ARHGEF33: variants seen among roughly 807,000 people sequenced by gnomAD.
ARHGEF33 encodes the protein DH and coiled-coil domain-containing protein ENSP00000381780.
A neutral mutation model predicts 101.9 loss-of-function variants in ARHGEF33; 72 were observed. The observed-to-expected ratio is 0.71, with a 90% CI of 0.58 to 0.86. The LOEUF (loss-of-function observed/expected upper bound fraction) is 0.86. ARHGEF33 is among the 40% of genes least tolerant of loss of function. The probability of loss-of-function intolerance (pLI) is 0.00; values close to 1 mark genes in which losing one functional copy is unlikely to be tolerated. For synonymous variants in ARHGEF33, 499 were observed against 442.5 expected, an observed-to-expected ratio of 1.13 and a Z score of -1.60; for missense variants, 1,169 against 1,111.3, an observed-to-expected ratio of 1.05 and a Z score of -0.74.
At chr2:38,937,272 T>A in intron 8 of ARHGEF33, 63 bp from the exon 9 acceptor site, 1 of 832,994 alleles carries the variant, frequency 1.2e-6, no homozygotes, top group East Asian at 2.7e-5. Context: ...AACAAACATA[T>A]TTTTTAAAAA....
intron 10 of ARHGEF33, among the ~76,000 whole-genome samples, chr2:38,948,437 C>T (rs1667507606): frequency 6.6e-6 from 1 of 152,088 alleles, no homozygotes; most frequent in South Asian, 2.1e-4. Flanking sequence ...TCCCGGTGGG[C>T]AGTCCAGGAG....
chr2:38,922,371 G>A (rs1245814006), intron 4 of ARHGEF33, among the ~76,000 whole-genome samples: 1 of 152,122 alleles, frequency 6.6e-6, no homozygotes, highest in East Asian at 1.9e-4. Context: ...CAGGAGTCCA[G>A]AAGGGTAGAT....
At chr2:38,898,142 A>G (rs1341740515) in intron 2 of ARHGEF33, among the ~76,000 whole-genome samples, 1 of 152,248 alleles carries the variant, frequency 6.6e-6, no homozygotes, top group Non-Finnish European at 1.5e-5. Context: ...GGAATAAGGT[A>G]TAAAAAGTAG....
Position 38,895,779 on chromosome 2 carries a change from C to T in ARHGEF33, c.-156C>T, listed in dbSNP as rs1310311491. On this transcript the variant is annotated splice_region_variant and 5_prime_UTR_variant, in exon 2 of 18. Transcript: ENST00000409978. ...GTTTTTTTTTTTTTTTTTTACAGAA[C>T]TTCTAGAGAAAACAAGAAGAAGACT... is the stretch of plus-strand genomic sequence containing the variant. 1 of 148,208 alleles carries T rather than the reference C, an allele frequency of 6.7e-6. No homozygotes were observed. The highest frequency in any genetic ancestry group is 2.0e-4 in the East Asian group (1 of 5,070). The allele number at this position is 148,208 out of a possible 1,614,324, so 9.2% of individuals were successfully genotyped here.
intron 8 of ARHGEF33, 100 bp downstream of exon 8, chr2:38,935,934 G>C: frequency 1.0e-6 from 1 of 961,758 alleles, no homozygotes; most frequent in Non-Finnish European, 1.6e-6. Flanking sequence ...AACCAGGCAT[G>C]AAAGAACTCA....
chr2:38,936,943 T>G (rs1275474070), intron 8 of ARHGEF33: 1 of 141,278 alleles, frequency 7.1e-6, no homozygotes, highest in Non-Finnish European at 1.5e-5. Flanking sequence ...CCCATTGCAC[T>G]CCAGCCTGGG....
At chr2:38,944,446 A>G (rs1667389296) in intron 10 of ARHGEF33, among the ~76,000 whole-genome samples, 1 of 152,098 alleles carries the variant, frequency 6.6e-6, no homozygotes, top group African/African-American at 2.4e-5. Context: ...CATAGTGCGG[A>G]GCTCTCACAA....
chr2:38,929,672 T>G, intron 5 of ARHGEF33, 37 bp from the exon 6 acceptor site: 2 of 1,536,726 alleles, frequency 1.3e-6, no homozygotes, highest in South Asian at 2.4e-5. Context: ...TTTTACCCCA[T>G]GTACCACGTT....
At chr2:38,891,884 T>C (rs1666013710) in intron 1 of ARHGEF33, among the ~76,000 whole-genome samples, 1 of 152,184 alleles carries the variant, frequency 6.6e-6, no homozygotes, top group Non-Finnish European at 1.5e-5. Context: ...ACCCTCATTA[T>C]GTTATTTGTA....
intron 2 of ARHGEF33, among the ~76,000 whole-genome samples, chr2:38,907,709 C>T (rs1339130832): frequency 3.3e-5 from 5 of 152,150 alleles, no homozygotes; most frequent in Admixed American, 2.6e-4. Context: ...CAGCGTTTCC[C>T]AGGAGAGCAC....
At chr2:38,939,039 C>T (rs532699227) in intron 9 of ARHGEF33, among the ~76,000 whole-genome samples, 1 of 152,276 alleles carries the variant, frequency 6.6e-6, no homozygotes, top group Admixed American at 6.5e-5. Context: ...ATGTCGTGAT[C>T]TTGGCTCCCT....
intron 13 of ARHGEF33, 40 bp downstream of exon 13, chr2:38,954,496 C>G (rs982101044): frequency 1.6e-6 from 2 of 1,241,658 alleles, no homozygotes; most frequent in South Asian, 2.6e-5. Flanking sequence ...GATTTGCATG[C>G]TAAGTAATTA....
intron 2 of ARHGEF33, among the ~76,000 whole-genome samples, chr2:38,902,030 G>T (rs1010968464): frequency 2.6e-5 from 4 of 151,874 alleles, no homozygotes; most frequent in African/African-American, 9.7e-5. Context: ...CAGGAGAATG[G>T]CGTGAACCCG....
intron 17 of ARHGEF33, among the ~76,000 whole-genome samples, chr2:38,970,789 C>T (rs910908789): frequency 4.6e-5 from 7 of 152,210 alleles, no homozygotes; most frequent in Non-Finnish European, 8.8e-5. Flanking sequence ...CCTTTGGGCT[C>T]TCCAAACTCA....
intron 3 of ARHGEF33, 149 bp downstream of exon 3, chr2:38,919,621 G>C: frequency 1.1e-6 from 1 of 892,706 alleles, no homozygotes; most frequent in Non-Finnish European, 1.7e-6. Context: ...ATATAGACTG[G>C]GTGCTGAAAA....
intron 2 of ARHGEF33, among the ~76,000 whole-genome samples, chr2:38,906,211 A>G (rs1033503877): frequency 6.6e-6 from 1 of 151,984 alleles, no homozygotes; most frequent in African/African-American, 2.4e-5. Context: ...AAAAAAGAAA[A>G]AAATTCTGAA....
At chr2:38,925,046 T>C (rs947021602) in intron 4 of ARHGEF33, among the ~76,000 whole-genome samples, 3 of 152,182 alleles carry the variant, frequency 2.0e-5, no homozygotes, top group Admixed American at 1.3e-4. Flanking sequence ...TGAAGGCTAC[T>C]GTAAATGCCT....
At chr2:38,949,823 T>C (rs1041367775) in intron 10 of ARHGEF33, among the ~76,000 whole-genome samples, 1 of 152,168 alleles carries the variant, frequency 6.6e-6, no homozygotes, top group Non-Finnish European at 1.5e-5. Context: ...CTTACAATTA[T>C]GGTGGAAGGC....
Position 38,960,183 on chromosome 2 carries a change from C to G in ARHGEF33, c.1878C>G (p.Pro626=). 6.5e-7 allele frequency: 1 copy of G among 1,543,804 alleles called. No homozygotes were observed. Residue 626 remains proline (P), a synonymous_variant, in exon 16 of 18, where the codon CCC becomes CCG. Coordinates refer to ENST00000409978, the MANE Select transcript of ARHGEF33 (RefSeq NM_001145451.5). The part of the protein sequence containing the change: ...FEYGGEIFAL[P]APYDEEPFQA... ...ACGGCGGCGAGATCTTCGCGCTGCC[C>G]GCGCCCTACGACGAGGAGCCGTTCC...
Sources: allele counts gnomAD v4.1 joint callset (sites outside exome capture counted in the v4.1 genomes callset), GRCh38; gene constraint gnomAD v4.1.1; transcripts MANE v1.5; gene names NCBI Gene and HGNC (gene_info 2026-07-23, HGNC 2026-07-21).